Variants in ERBB4 observed in about 807,000 individuals in gnomAD.
The protein encoded by ERBB4 is receptor tyrosine-protein kinase erbB-4.
ERBB4 carries 42 observed loss-of-function variants against 158.0 expected under a neutral mutation model. The ratio of observed to expected loss-of-function variants is 0.27; its 90% CI spans 0.21 to 0.34. The LOEUF (loss-of-function observed/expected upper bound fraction) is 0.34, where lower values mean the gene tolerates loss of function less well. Among genes scored for constraint, ERBB4 ranks in the 10% least tolerant of loss-of-function variants. The probability of loss-of-function intolerance (pLI) is 1.00; values close to 1 mark genes in which losing one functional copy is unlikely to be tolerated. For missense variants in ERBB4, 1,333 were observed against 1,624.1 expected, an observed-to-expected ratio of 0.82 and a Z score of 3.08; for synonymous variants, 583 against 558.7, an observed-to-expected ratio of 1.04 and a Z score of -0.61.
intron 20 of ERBB4, among the ~76,000 whole-genome samples, chr2:211,507,106 T>G (rs2065770902): frequency 6.6e-6 from 1 of 152,012 alleles, no homozygotes; most frequent in African/African-American, 2.4e-5. Context: ...CTAGAAAATC[T>G]AGATGAAATG....
chr2:211,633,687 TAAA>T (rs2070236965), intron 16 of ERBB4, among the ~76,000 whole-genome samples: 2 of 149,228 alleles, frequency 1.3e-5, no homozygotes, highest in Admixed American at 6.7e-5. Context: ...ACATTCACTT[TAAA>T]ACTCCAAAGG....
intron 20 of ERBB4, among the ~76,000 whole-genome samples, chr2:211,558,157 T>C (rs1233412779): frequency 6.6e-6 from 1 of 152,216 alleles, no homozygotes; most frequent in Non-Finnish European, 1.5e-5. Flanking sequence ...CTTACAGCTC[T>C]GTAGGTTGGA....
At chr2:212,399,545 C>CATATATATATATATACATATAT (rs2091132872) in intron 1 of ERBB4, among the ~76,000 whole-genome samples, 2 of 38,098 alleles carry the variant, frequency 5.2e-5, no homozygotes, top group African/African-American at 1.3e-4. Context: ...TTTATATATA[C>CATATATATATATATACATATAT]ATATATATAT....
At chr2:212,226,660 C>T (rs1228702013) in intron 1 of ERBB4, among the ~76,000 whole-genome samples, 1 of 152,030 alleles carries the variant, frequency 6.6e-6, no homozygotes, top group East Asian at 1.9e-4. Context: ...ATCTAAATAC[C>T]CTCAGAGATA....
rs200115022 is a variant in ERBB4, at chr2:211,843,701, C to CA, written c.422-55543dup. ...TAATGATATGTGAAGTCTTAACTAGCAAAAAAATATTTTAATGAGCTTTCA... is the reference window on the plus strand; with the variant it reads ...TAATGATATGTGAAGTCTTAACTAGCAAAAAAAATATTTTAATGAGCTTTCA... On this transcript the variant is annotated intron_variant, in intron 3 of 27. Coordinates refer to ENST00000342788, the MANE Select transcript of ERBB4 (RefSeq NM_005235.3). 6.5e-3 allele frequency among the ~76,000 whole-genome samples: 969 copies of CA among 149,012 alleles called. 9 individuals are homozygous for CA. Among genetic ancestry groups the CA allele is most frequent in the African/African-American group, 0.023 (923 of 40,628 alleles).
At chr2:212,361,702 T>C (rs750296247) in intron 1 of ERBB4, among the ~76,000 whole-genome samples, 1 of 151,666 alleles carries the variant, frequency 6.6e-6, no homozygotes, top group African/African-American at 2.4e-5. Context: ...AAATCCATTT[T>C]TGGTGAATGT....
intron 2 of ERBB4, among the ~76,000 whole-genome samples, chr2:211,964,012 G>GATGA (rs1422379844): frequency 6.6e-6 from 1 of 152,146 alleles, no homozygotes; most frequent in East Asian, 1.9e-4. Context: ...AAATGCTTGT[G>GATGA]ATGAACTCTT....
chr2:211,868,544 C>T (rs1400234575), intron 3 of ERBB4, among the ~76,000 whole-genome samples: 1 of 152,102 alleles, frequency 6.6e-6, no homozygotes. Flanking sequence ...GTGAATAATA[C>T]AGAATTATCT....
chr2:212,477,397 G>A (rs915509276), intron 1 of ERBB4, among the ~76,000 whole-genome samples: 3 of 152,072 alleles, frequency 2.0e-5, no homozygotes, highest in Non-Finnish European at 2.9e-5. Flanking sequence ...CAATTAATCT[G>A]ACTGAAAAGT....
chr2:211,818,243 A>C (rs1269225815), intron 3 of ERBB4, among the ~76,000 whole-genome samples: 1 of 152,080 alleles, frequency 6.6e-6, no homozygotes. Context: ...AAAATATCTA[A>C]ATATTTAGGG....
rs79661218 is a variant in ERBB4 at position 211,490,154 on chromosome 2, C to A, written c.2488-59054G>T. ...TAAAACATCTTTTCCTAAAATATGC[C>A]CATTCTTGGAATTAATATTCTCCTC... On this transcript the variant is annotated intron_variant, in intron 20 of 27. Transcript: ENST00000342788. 1.4e-4 allele frequency among the ~76,000 whole-genome samples: 21 copies of A among 152,092 alleles called. 1 individual carries two copies. In the East Asian group the frequency reaches 4.0e-3, roughly 29 times the overall value.
intron 3 of ERBB4, among the ~76,000 whole-genome samples, chr2:211,791,775 G>A (rs560782018): frequency 9.2e-5 from 14 of 151,640 alleles, no homozygotes; most frequent in Non-Finnish European, 1.8e-4. Flanking sequence ...ACATGACATC[G>A]ATGAAAAAAG....
At chr2:211,637,075 T>G (rs2070390252) in intron 16 of ERBB4, among the ~76,000 whole-genome samples, 1 of 151,966 alleles carries the variant, frequency 6.6e-6, no homozygotes, top group East Asian at 1.9e-4. Flanking sequence ...TAAAGTTATA[T>G]TTCATTTTAA....
intron 2 of ERBB4, among the ~76,000 whole-genome samples, chr2:212,069,335 A>T (rs964658990): frequency 6.6e-6 from 1 of 152,074 alleles, no homozygotes; most frequent in African/African-American, 2.4e-5. Context: ...GGTCATCTCA[A>T]TTGGTACAGA....
At chr2:211,715,550 G>T (rs1487418868) in intron 7 of ERBB4, among the ~76,000 whole-genome samples, 1 of 152,148 alleles carries the variant, frequency 6.6e-6, no homozygotes, top group Middle Eastern at 3.2e-3. Context: ...AGTATTGGGG[G>T]TGTGACCTGG....
At chr2:211,505,173 A>T (rs1357197312) in intron 20 of ERBB4, among the ~76,000 whole-genome samples, 1 of 152,108 alleles carries the variant, frequency 6.6e-6, no homozygotes, top group African/African-American at 2.4e-5. Context: ...GCTCAATATA[A>T]AAGAAAAAAT....
At chr2:212,300,422 C>T (rs1271527442) in intron 1 of ERBB4, among the ~76,000 whole-genome samples, 1 of 151,464 alleles carries the variant, frequency 6.6e-6, no homozygotes, top group African/African-American at 2.4e-5. Flanking sequence ...ACAGGGTTCG[C>T]GTGTTTTTTA....
At chr2:212,063,611 T>G (rs770638035) in intron 2 of ERBB4, among the ~76,000 whole-genome samples, 1 of 151,104 alleles carries the variant, frequency 6.6e-6, no homozygotes, top group African/African-American at 2.4e-5. Context: ...CCAGCAACCA[T>G]AGGGAAAAAA....
chr2:211,614,293 G>A (rs907437463), intron 19 of ERBB4, among the ~76,000 whole-genome samples: 16 of 151,854 alleles, frequency 1.1e-4, no homozygotes, highest in African/African-American at 3.9e-4. Context: ...AGGGGGCTGG[G>A]GATGGTTAAA....
Sources: allele counts gnomAD v4.1 joint callset (sites outside exome capture counted in the v4.1 genomes callset), GRCh38; gene constraint gnomAD v4.1.1; transcripts MANE v1.5; gene names NCBI Gene and HGNC (gene_info 2026-07-23, HGNC 2026-07-21).